The following SGCG variants were observed in gnomAD, a reference collection of about 807,000 sequenced individuals.
The protein encoded by SGCG is gamma-sarcoglycan.
Under a neutral mutation model 29.3 loss-of-function variants are expected in SGCG, and 26 were observed. The ratio of observed to expected loss-of-function variants is 0.89; its 90% CI spans 0.65 to 1.23. The LOEUF (loss-of-function observed/expected upper bound fraction) is 1.23, where lower values mean the gene tolerates loss of function less well. SGCG is among the 50% of genes most tolerant of loss of function. SGCG has a pLI of 0.00. For synonymous variants in SGCG, 145 were observed against 129.7 expected, an observed-to-expected ratio of 1.12 and a Z score of -0.80; for missense variants, 353 against 356.0, an observed-to-expected ratio of 0.99 and a Z score of 0.07.
upstream of SGCG, among the ~76,000 whole-genome samples, chr13:23,180,053 C>T (rs979414404): frequency 1.3e-5 from 2 of 152,096 alleles, no homozygotes; most frequent in African/African-American, 4.8e-5. Flanking sequence ...AAGCAGGCCC[C>T]AGTATCTGAT....
chr13:23,301,631 A>C (rs1190363740), intron 6 of SGCG, among the ~76,000 whole-genome samples: 1 of 152,220 alleles, frequency 6.6e-6, no homozygotes, highest in Non-Finnish European at 1.5e-5. Context: ...TCACGCCTGT[A>C]ATCCCAGCAC....
intron 4 of SGCG, among the ~76,000 whole-genome samples, chr13:23,278,550 G>A (rs1881178039): frequency 6.6e-6 from 1 of 152,138 alleles, no homozygotes; most frequent in Non-Finnish European, 1.5e-5. Flanking sequence ...AATCCATGAG[G>A]CCTGGGTTAG....
chr13:23,224,945 T>A (rs1046537648), intron 2 of SGCG, among the ~76,000 whole-genome samples: 3 of 152,012 alleles, frequency 2.0e-5, no homozygotes, highest in African/African-American at 4.8e-5. Flanking sequence ...GAACCATTGC[T>A]ATGCTCTTGC....
At chr13:23,185,926 T>C (rs891407963) in intron 1 of SGCG, among the ~76,000 whole-genome samples, 5 of 152,196 alleles carry the variant, frequency 3.3e-5, no homozygotes, top group African/African-American at 1.2e-4. Flanking sequence ...ATCACTCAGA[T>C]CCTCTTGCTT....
intron 5 of SGCG, among the ~76,000 whole-genome samples, chr13:23,290,929 G>A (rs1881681718): frequency 6.6e-6 from 1 of 152,182 alleles, no homozygotes; most frequent in African/African-American, 2.4e-5. Context: ...CTGTCCAAGA[G>A]CACCCTGATT....
At chr13:23,312,492 T>C (rs1882639846) in intron 6 of SGCG, among the ~76,000 whole-genome samples, 1 of 152,260 alleles carries the variant, frequency 6.6e-6, no homozygotes, top group Admixed American at 6.5e-5. Context: ...TTAATAACTG[T>C]ACTTCTATAA....
At position 23,210,563 on chromosome 13, in the gene SGCG, C is replaced by T. The variant is rs139906828; in HGVS notation, c.195+6674C>T. Reference sequence around the variant, plus strand: ...AACATTAGCCGGGCGTGGTGGCGGGCGCCTGTAGTCCCAGCTACTCGGGAG... The same window carrying T: ...AACATTAGCCGGGCGTGGTGGCGGGTGCCTGTAGTCCCAGCTACTCGGGAG... On this transcript the variant is annotated intron_variant, in intron 2 of 7. Transcript: ENST00000218867. Among the ~76,000 whole-genome samples, 283 of 152,078 alleles carry T rather than the reference C, an allele frequency of 1.9e-3. 4 individuals carry two copies. The highest frequency in any genetic ancestry group is 6.2e-3 in the African/African-American group (256 of 41,458).
intron 5 of SGCG, among the ~76,000 whole-genome samples, chr13:23,286,529 A>C (rs1881502863): frequency 6.6e-6 from 1 of 152,196 alleles, no homozygotes; most frequent in Admixed American, 6.5e-5. Context: ...CATTATCTTC[A>C]GGGGATACGT....
At chr13:23,167,235 C>A in the SGCG span, among the ~76,000 whole-genome samples, 1 of 152,164 alleles carries the variant, frequency 6.6e-6, no homozygotes, top group African/African-American at 2.4e-5. Flanking sequence ...AGATCTCATT[C>A]TTTTTTATGG....
intron 4 of SGCG, among the ~76,000 whole-genome samples, chr13:23,272,158 G>C (rs2137605250): frequency 6.6e-6 from 1 of 152,248 alleles, no homozygotes; most frequent in Non-Finnish European, 1.5e-5. Context: ...TTATAAATAA[G>C]TTTCATTGAC....
At chr13:23,268,960 A>T (rs1880753334) in intron 4 of SGCG, 1 of 151,982 alleles carries the variant, frequency 6.6e-6, no homozygotes, top group Admixed American at 6.6e-5. Flanking sequence ...GGAAAGACTG[A>T]CTGAAAAGAA....
At chr13:23,236,534 C>A (rs988153634) in intron 3 of SGCG, among the ~76,000 whole-genome samples, 27 of 151,890 alleles carry the variant, frequency 1.8e-4, no homozygotes, top group Non-Finnish European at 1.0e-4. Context: ...AAAAATCAGC[C>A]GGGCGTGGTG....
At chr13:23,230,856 T>C (rs149066476) in intron 2 of SGCG, among the ~76,000 whole-genome samples, 1 of 152,294 alleles carries the variant, frequency 6.6e-6, no homozygotes, top group African/African-American at 2.4e-5. Context: ...CCTCCTTCCT[T>C]GTCTTGTGCC....
chr13:23,178,664 A>G (rs1367646849), upstream of SGCG, among the ~76,000 whole-genome samples: 1 of 152,208 alleles, frequency 6.6e-6, no homozygotes, highest in Non-Finnish European at 1.5e-5. Context: ...CGTTATTTTC[A>G]AATGTTGAAC....
intron 3 of SGCG, among the ~76,000 whole-genome samples, chr13:23,239,426 A>T: frequency 6.6e-6 from 1 of 152,196 alleles, no homozygotes; most frequent in East Asian, 1.9e-4. Context: ...GGACTTACTA[A>T]AGCTGAAAGC....
intron 2 of SGCG, among the ~76,000 whole-genome samples, chr13:23,223,276 C>CAAAAA (rs10569811): frequency 3.9e-5 from 4 of 103,828 alleles, no homozygotes; most frequent in Non-Finnish European, 5.7e-5. Flanking sequence ...GACTCTGTCA[C>CAAAAA]AAAAAAAAAA....
chr13:23,171,531 G>A, the SGCG span, among the ~76,000 whole-genome samples: 19 of 152,164 alleles, frequency 1.2e-4, no homozygotes, highest in Non-Finnish European at 1.9e-4. Flanking sequence ...GTCAAACCAA[G>A]GAGGCTATAA....
intron 3 of SGCG, among the ~76,000 whole-genome samples, chr13:23,248,268 G>T (rs1312563099): frequency 6.6e-6 from 1 of 152,030 alleles, no homozygotes; most frequent in Non-Finnish European, 1.5e-5. Flanking sequence ...GCATTTTTGT[G>T]TGGCAAATTT....
At chr13:23,281,156 G>A (rs1423911051) in intron 5 of SGCG, among the ~76,000 whole-genome samples, 2 of 151,810 alleles carry the variant, frequency 1.3e-5, no homozygotes, top group Non-Finnish European at 2.9e-5. Flanking sequence ...ACAACATGGC[G>A]AAACCCCATC....
Sources: gnomAD v4.1 joint callset for allele counts (sites outside exome capture counted in the v4.1 genomes callset) on GRCh38, gnomAD v4.1.1 for gene constraint, MANE v1.5 for transcripts, NCBI Gene and HGNC (gene_info 2026-07-23, HGNC 2026-07-21) for gene names.